NAV1: variants seen among roughly 807,000 people sequenced by gnomAD.
NAV1 encodes neuron navigator 1.
NAV1 carries 18 observed loss-of-function variants against 175.2 expected under a neutral mutation model. The ratio of observed to expected loss-of-function variants is 0.10; its 90% CI spans 0.07 to 0.15. The LOEUF (loss-of-function observed/expected upper bound fraction) is 0.15, where lower values mean the gene tolerates loss of function less well. NAV1 is among the 10% of genes least tolerant of loss of function. NAV1 has a pLI of 1.00. For missense variants in NAV1, 1,731 were observed against 2,436.6 expected (o/e 0.71, Z 6.10); for synonymous variants, 897 against 978.7 (o/e 0.92, Z 1.56).
chr1:201,754,554 G>A (rs144531465), intron 3 of NAV1, among the ~76,000 whole-genome samples: 2 of 152,122 alleles, frequency 1.3e-5, no homozygotes, highest in Non-Finnish European at 2.9e-5. Context: ...TCCAATGAGT[G>A]GGGGAGTAAA....
At chr1:201,622,890 T>A, upstream of NAV1, 4 of 986,126 alleles carry the variant, frequency 4.1e-6, no homozygotes, top group South Asian at 4.7e-5. Flanking sequence ...AGACCATGAA[T>A]GGGATGGCCA....
At chr1:201,631,232 C>T (rs371643958) in intron 2 of NAV1, among the ~76,000 whole-genome samples, 2 of 152,182 alleles carry the variant, frequency 1.3e-5, no homozygotes, top group African/African-American at 2.4e-5. Flanking sequence ...GCCGAGGATA[C>T]GCCGAGCTCT....
At position 201,810,429 on chromosome 1, in the gene NAV1, G is replaced by A; in HGVS notation, c.4562-94G>A. On this transcript the variant is annotated intron_variant, in intron 23 of 29. Coordinates refer to ENST00000367296, the Ensembl canonical transcript of NAV1. The surrounding 1 kb of genome is among the most constrained non-coding windows in gnomAD (Gnocchi z 6.0). ...GGCAAGTGGCTCTGAGTTTCTTCAG[G>A]GGGCTCCTAGATAAAGAAAGAAAAG... 8.2e-7 allele frequency: 1 copy of A among 1,213,938 alleles called. No individual in the cohort carries two copies. Among genetic ancestry groups the A allele is most frequent in the Non-Finnish European group, 1.1e-6 (1 of 870,000 alleles). 75.2% of individuals were successfully genotyped at this position (1,213,938 alleles called of 1,614,324 possible). A position where few individuals can be genotyped will look rare whatever the true frequency, so the allele number is the denominator to read the frequency against.
chr1:201,671,657 T>C (rs1308727471), intron 1 of NAV1, among the ~76,000 whole-genome samples: 2 of 152,076 alleles, frequency 1.3e-5, no homozygotes, highest in East Asian at 1.9e-4. Flanking sequence ...CTCCTAAGCG[T>C]TGGGTGGACG....
chr1:201,761,780 C>T (rs547322548), intron 3 of NAV1, among the ~76,000 whole-genome samples: 32 of 152,292 alleles, frequency 2.1e-4, no homozygotes, highest in African/African-American at 3.8e-4. Flanking sequence ...TTGGCAATGA[C>T]GTACAAGCAG....
chr1:201,809,463 T>C (rs1226053358), exon 22 of NAV1: 1 of 1,614,092 alleles, frequency 6.2e-7, no homozygotes, highest in Non-Finnish European at 8.5e-7. Flanking sequence ...GCAGGAATTC[T>C]TCCTGGGCTG....
At chr1:201,696,298 AGAG>A (rs1290973737) in intron 1 of NAV1, among the ~76,000 whole-genome samples, 4 of 152,310 alleles carry the variant, frequency 2.6e-5, no homozygotes, top group Admixed American at 6.5e-5. Context: ...ATCGGGCGGA[AGAG>A]GAGGATTCTG....
intron 1 of NAV1, among the ~76,000 whole-genome samples, chr1:201,651,122 C>T (rs1043691055): frequency 3.4e-4 from 44 of 129,152 alleles, no homozygotes; most frequent in African/African-American, 1.1e-3. Context: ...AGGAAGGGAC[C>T]GTGTGTGTGT....
rs367741028 is a variant in NAV1 at position 201,810,684 on chromosome 1, C to T, written c.4723C>T (p.Leu1575=). 1 of 1,614,030 alleles carries T rather than the reference C, an allele frequency of 6.2e-7. No individual in the cohort carries two copies. The highest frequency in any genetic ancestry group is 1.3e-5 in the African/African-American group (1 of 74,918). Residue 1575 remains leucine, a synonymous_variant, in exon 24 of 30, where the codon CTG becomes TTG. Coordinates refer to ENST00000367296, the Ensembl canonical transcript of NAV1. This position sits in a 1 kb window ranked among gnomAD's most constrained non-coding sequence, Gnocchi z 6.0. ...CCTGACCAATCGCTTGGCCGAGTAC[C>T]TGGTGGAGCGCTCTGGCCGTGAGGT...
intron 1 of NAV1, among the ~76,000 whole-genome samples, chr1:201,663,809 T>C (rs1669707576): frequency 6.6e-6 from 1 of 151,948 alleles, no homozygotes; most frequent in South Asian, 2.1e-4. Context: ...GGATGTTCCA[T>C]GGGGGAGATG....
At chr1:201,611,708 G>A (rs1405730342) in intron 2 of NAV1, among the ~76,000 whole-genome samples, 1 of 152,222 alleles carries the variant, frequency 6.6e-6, no homozygotes, top group East Asian at 1.9e-4. Flanking sequence ...TGTGCCCAAG[G>A]TACGGGTGTT....
chr1:201,586,231 A>G (rs536822647), intron 1 of NAV1, among the ~76,000 whole-genome samples: 88 of 145,480 alleles, frequency 6.0e-4, no homozygotes, highest in Non-Finnish European at 1.2e-3. Context: ...TCTGTGATTT[A>G]CTTCTCTGGG....
chr1:201,778,802 A>G (rs1043630151), intron 3 of NAV1, among the ~76,000 whole-genome samples: 2 of 152,220 alleles, frequency 1.3e-5, no homozygotes, highest in African/African-American at 4.8e-5. Context: ...TGGGCCAACC[A>G]CTTAGATGAC....
intron 1 of NAV1, among the ~76,000 whole-genome samples, chr1:201,587,681 C>G (rs1170462014): frequency 6.6e-6 from 1 of 152,020 alleles, no homozygotes; most frequent in Non-Finnish European, 1.5e-5. Flanking sequence ...GAGACCCTAC[C>G]TCAAACAAAC....
intron 10 of NAV1, among the ~76,000 whole-genome samples, chr1:201,789,378 A>G (rs1311900113): frequency 6.6e-6 from 1 of 152,070 alleles, no homozygotes; most frequent in Non-Finnish European, 1.5e-5. Context: ...GTTCTGAGCA[A>G]CTCTGATGAG....
chr1:201,746,861 G>A lies in NAV1; in HGVS notation c.1226+28106G>A, dbSNP rs140700149. ...TACAAAAAAATACAAAAAATTAGCC[G>A]AGCCTGGTGGCACACGCCTGTAGTT... On this transcript the variant is annotated intron_variant, in intron 3 of 29. Coordinates refer to ENST00000367296, the Ensembl canonical transcript of NAV1. 8.1e-3 allele frequency among the ~76,000 whole-genome samples: 1,226 copies of A among 151,970 alleles called. 21 individuals are homozygous for A. Among genetic ancestry groups the A allele is most frequent in the African/African-American group, 0.028 (1,168 of 41,422 alleles).
chr1:201,764,355 G>A (rs542255163), intron 3 of NAV1, among the ~76,000 whole-genome samples: 1 of 152,206 alleles, frequency 6.6e-6, no homozygotes, highest in Non-Finnish European at 1.5e-5. Flanking sequence ...TGCCATCTGG[G>A]TTGGTTTCTG....
exon 1 of NAV1, chr1:201,649,297 C>T: frequency 6.2e-7 from 1 of 1,613,072 alleles, no homozygotes; most frequent in Non-Finnish European, 8.5e-7. Context: ...AAGGCCAAGG[C>T]GCAAAAGAGC....
chr1:201,758,136 G>A (rs1327549451), intron 3 of NAV1, among the ~76,000 whole-genome samples: 1 of 152,186 alleles, frequency 6.6e-6, no homozygotes, highest in Non-Finnish European at 1.5e-5. Flanking sequence ...GGTCTTTGGG[G>A]CCAGATAGGG....
Sources: allele counts gnomAD v4.1 joint callset (sites outside exome capture counted in the v4.1 genomes callset), GRCh38; gene constraint gnomAD v4.1.1; non-coding constraint Gnocchi (gnomAD v3.1); transcripts MANE v1.5; gene names NCBI Gene and HGNC (gene_info 2026-07-23, HGNC 2026-07-21).